Variants in CDK14 observed in about 807,000 individuals in gnomAD.
CDK14 encodes cyclin-dependent kinase 14.
Under a neutral mutation model 60.7 loss-of-function variants are expected in CDK14, and 34 were observed. That is an observed-to-expected ratio of 0.56 (90% confidence interval 0.43 to 0.75). CDK14 has a LOEUF of 0.75. Among genes scored for constraint, CDK14 ranks in the 30% least tolerant of loss-of-function variants. The pLI, the probability that CDK14 is intolerant of heterozygous loss-of-function variation, is 0.00. For synonymous variants in CDK14, 197 were observed against 203.7 expected (o/e 0.97, Z 0.28); for missense variants, 482 against 564.1 (o/e 0.85, Z 1.47).
intron 2 of CDK14, among the ~76,000 whole-genome samples, chr7:90,615,916 G>A (rs1037530774): frequency 2.6e-5 from 4 of 152,146 alleles, no homozygotes; most frequent in Non-Finnish European, 5.9e-5. Context: ...GTTAGGAAGG[G>A]TTGTTATTGG....
rs3814098 is a variant in CDK14, at chr7:91,209,554, G to C, written c.*2418G>C. ...CATGAAAATCAATTCAGACTGTGTT[G>C]ATTAGCAGATTTATTATTCTATTGA... On this transcript the variant is annotated 3_prime_UTR_variant, in exon 15 of 15. Coordinates refer to ENST00000380050, the MANE Select transcript of CDK14 (RefSeq NM_001287135.2). The C allele has an allele frequency of 0.91, 138,051 of 152,502 alleles. 62,565 individuals are homozygous for C. The highest frequency in any genetic ancestry group is 0.94 in the South Asian group (4,511 of 4,820). 9.4% of individuals were successfully genotyped at this position (152,502 alleles called of 1,614,324 possible).
At chr7:90,866,439 G>A (rs1791192323) in intron 6 of CDK14, among the ~76,000 whole-genome samples, 1 of 151,788 alleles carries the variant, frequency 6.6e-6, no homozygotes, top group Admixed American at 6.6e-5. Flanking sequence ...TTTTTTGAGG[G>A]AGATACCATT....
chr7:90,754,485 TG>T (rs1803977280), intron 4 of CDK14, among the ~76,000 whole-genome samples: 1 of 152,168 alleles, frequency 6.6e-6, no homozygotes, highest in Admixed American at 6.5e-5. Flanking sequence ...TAACTCAAGA[TG>T]GATTGAAGAT....
intron 3 of CDK14, among the ~76,000 whole-genome samples, chr7:90,733,690 G>A (rs1802965871): frequency 6.6e-6 from 1 of 152,134 alleles, no homozygotes; most frequent in Non-Finnish European, 1.5e-5. Flanking sequence ...TTTATTTTGA[G>A]TGTATGTGTG....
chr7:90,716,196 G>C (rs1802244087), intron 2 of CDK14: 1 of 152,014 alleles, frequency 6.6e-6, no homozygotes, highest in Non-Finnish European at 1.5e-5. Flanking sequence ...CACATAATCA[G>C]AGTAGGATTT....
At chr7:91,164,361 AC>A (rs1199050299) in intron 14 of CDK14, among the ~76,000 whole-genome samples, 22 of 152,162 alleles carry the variant, frequency 1.4e-4, no homozygotes, top group Admixed American at 5.2e-4. Flanking sequence ...TGTACGTGTT[AC>A]TCATTAAATC....
intron 6 of CDK14, among the ~76,000 whole-genome samples, chr7:90,882,565 G>C (rs1406851703): frequency 6.6e-6 from 1 of 152,116 alleles, no homozygotes; most frequent in Non-Finnish European, 1.5e-5. Context: ...GGATATTCAG[G>C]ACTTGAACTT....
intron 2 of CDK14, among the ~76,000 whole-genome samples, chr7:90,622,355 T>G (rs1479621173): frequency 2.0e-5 from 3 of 152,260 alleles, no homozygotes; most frequent in Non-Finnish European, 4.4e-5. Flanking sequence ...GTAATGTTTT[T>G]GCTTAGTAAA....
At chr7:91,135,445 G>T (rs962627572) in intron 14 of CDK14, among the ~76,000 whole-genome samples, 2 of 152,174 alleles carry the variant, frequency 1.3e-5, no homozygotes, top group African/African-American at 4.8e-5. Flanking sequence ...TGGAAGGCTG[G>T]TCTCAGTGTC....
At chr7:90,936,378 C>T (rs927456015) in intron 8 of CDK14, among the ~76,000 whole-genome samples, 1 of 152,098 alleles carries the variant, frequency 6.6e-6, no homozygotes. Flanking sequence ...AATTTTATAT[C>T]GAAATCTAGT....
intron 2 of CDK14, among the ~76,000 whole-genome samples, chr7:90,634,140 T>A (rs945108814): frequency 3.3e-5 from 5 of 152,148 alleles, no homozygotes; most frequent in African/African-American, 7.2e-5. Context: ...TTCTTTTTTT[T>A]AATTATTATT....
intron 10 of CDK14, among the ~76,000 whole-genome samples, chr7:91,007,285 A>G (rs1000122713): frequency 6.6e-6 from 1 of 152,170 alleles, no homozygotes; most frequent in Non-Finnish European, 1.5e-5. Context: ...CCTAAGACAC[A>G]ATAAACTCAA....
At chr7:91,077,209 C>T (rs10097888) in intron 11 of CDK14, among the ~76,000 whole-genome samples, 1 of 152,102 alleles carries the variant, frequency 6.6e-6, no homozygotes, top group Admixed American at 6.5e-5. Flanking sequence ...ATGTTTATTG[C>T]AGCACTATTT....
At chr7:90,852,575 GGCCTTAGT>G (rs1245623011) in intron 5 of CDK14, among the ~76,000 whole-genome samples, 1 of 152,168 alleles carries the variant, frequency 6.6e-6, no homozygotes, top group Non-Finnish European at 1.5e-5. Flanking sequence ...ATGGTTGGAA[GGCCTTAGT>G]GCCTTTTCTT....
intron 5 of CDK14, among the ~76,000 whole-genome samples, chr7:90,798,428 G>C (rs980440973): frequency 6.6e-6 from 1 of 152,074 alleles, no homozygotes; most frequent in Non-Finnish European, 1.5e-5. Context: ...AAATATTTAG[G>C]GCAATGTGGG....
intron 2 of CDK14, chr7:90,726,198 G>T (rs1802626626): frequency 2.2e-6 from 1 of 448,320 alleles, no homozygotes; most frequent in African/African-American, 2.1e-5. Context: ...CCTATTTTTT[G>T]TTTTTTAAAT....
intron 14 of CDK14, among the ~76,000 whole-genome samples, chr7:91,173,463 C>G (rs186662589): frequency 6.6e-6 from 1 of 151,772 alleles, no homozygotes; most frequent in East Asian, 1.9e-4. Flanking sequence ...CCAAGATGGC[C>G]GAATAGGAAC....
intron 6 of CDK14, among the ~76,000 whole-genome samples, chr7:90,878,104 GAGAGAGAC>G (rs1280294336): frequency 6.6e-6 from 1 of 151,416 alleles, no homozygotes; most frequent in Non-Finnish European, 1.5e-5. Context: ...GAGAGAGAGA[GAGAGAGAC>G]AGAGAGAGAG....
chr7:90,811,597 A>C (rs1241237962), intron 5 of CDK14, among the ~76,000 whole-genome samples: 1 of 151,694 alleles, frequency 6.6e-6, no homozygotes, highest in Non-Finnish European at 1.5e-5. Context: ...CAATGGCAAC[A>C]AAAGCCAAAA....
Sources: allele counts gnomAD v4.1 joint callset (sites outside exome capture counted in the v4.1 genomes callset), GRCh38; gene constraint gnomAD v4.1.1; transcripts MANE v1.5; gene names NCBI Gene and HGNC (gene_info 2026-07-23, HGNC 2026-07-21).